LRRTM4: variants seen among roughly 807,000 people sequenced by gnomAD.
LRRTM4 encodes leucine rich repeat transmembrane neuronal 4, also known as leucine-rich repeat transmembrane neuronal protein 4.
In LRRTM4, 25 loss-of-function variants were observed where a neutral mutation model predicts 47.6. The ratio of observed to expected loss-of-function variants is 0.53; its 90% CI spans 0.38 to 0.73. The LOEUF (loss-of-function observed/expected upper bound fraction) is 0.73, where lower values mean the gene tolerates loss of function less well. Ranked by LOEUF, LRRTM4 falls within the 30% of genes least tolerant of loss-of-function variation. The pLI, the probability that LRRTM4 is intolerant of heterozygous loss-of-function variation, is 0.00. For missense variants in LRRTM4, 638 were observed against 713.4 expected, an observed-to-expected ratio of 0.89 and a Z score of 1.20; for synonymous variants, 311 against 269.5, an observed-to-expected ratio of 1.15 and a Z score of -1.51.
intron 3 of LRRTM4, among the ~76,000 whole-genome samples, chr2:77,249,139 T>C (rs2861015): frequency 0.69 from 104,102 of 151,652 alleles, 36,374 homozygotes; most frequent in African/African-American, 0.83. Context: ...CACCTGAGGT[T>C]GGTAGTTTGA....
At chr2:77,333,602 T>C (rs953050724) in intron 3 of LRRTM4, among the ~76,000 whole-genome samples, 1 of 152,158 alleles carries the variant, frequency 6.6e-6, no homozygotes, top group African/African-American at 2.4e-5. Flanking sequence ...AGAATTGAGG[T>C]TTGAGAATCT....
At chr2:77,129,596 C>G (rs1480519050) in intron 3 of LRRTM4, among the ~76,000 whole-genome samples, 5 of 152,148 alleles carry the variant, frequency 3.3e-5, no homozygotes, top group Non-Finnish European at 7.4e-5. Flanking sequence ...ATCCCATTTT[C>G]TAGTTTCATT....
intron 3 of LRRTM4, among the ~76,000 whole-genome samples, chr2:77,224,533 C>A (rs557835277): frequency 7.9e-5 from 12 of 152,216 alleles, no homozygotes; most frequent in African/African-American, 2.6e-4. Flanking sequence ...CAAACAACCC[C>A]ATCAAAAAGT....
chr2:76,847,057 C>G (rs1419693842), intron 3 of LRRTM4, among the ~76,000 whole-genome samples: 1 of 152,084 alleles, frequency 6.6e-6, no homozygotes, highest in Non-Finnish European at 1.5e-5. Flanking sequence ...CCAGTGCTCT[C>G]CAGATAGATT....
At chr2:76,936,954 C>CAAAAAAAAAAAAAAAAAAAAA (rs56140303) in intron 3 of LRRTM4, among the ~76,000 whole-genome samples, 1 of 22,692 alleles carries the variant, frequency 4.4e-5, no homozygotes, top group Non-Finnish European at 8.9e-5. Flanking sequence ...GACTCCATCT[C>CAAAAAAAAAAAAAAAAAAAAA]AAAAAAAAAA....
chr2:77,213,263 T>C (rs1010587476), intron 3 of LRRTM4, among the ~76,000 whole-genome samples: 4 of 152,074 alleles, frequency 2.6e-5, no homozygotes, highest in South Asian at 2.1e-4. Flanking sequence ...CTGGGGAACA[T>C]TGCCAAGTTG....
chr2:77,352,749 A>T (rs550641089), intron 3 of LRRTM4, among the ~76,000 whole-genome samples: 135 of 151,742 alleles, frequency 8.9e-4, no homozygotes, highest in Non-Finnish European at 4.4e-5. Context: ...AGGAAGAACA[A>T]TTTTTTTTTG....
chr2:77,467,958 A>C, intron 3 of LRRTM4, among the ~76,000 whole-genome samples: 1 of 152,158 alleles, frequency 6.6e-6, no homozygotes, highest in African/African-American at 2.4e-5. Context: ...AAAAAGAGGT[A>C]CTTATATAGT....
chr2:77,104,390 C>A (rs954270107), intron 3 of LRRTM4, among the ~76,000 whole-genome samples: 1 of 152,128 alleles, frequency 6.6e-6, no homozygotes, highest in Non-Finnish European at 1.5e-5. Context: ...TAGCTCATGC[C>A]ACTTTCCCAC....
At chr2:77,463,888 A>G (rs1421981613) in intron 3 of LRRTM4, among the ~76,000 whole-genome samples, 5 of 152,150 alleles carry the variant, frequency 3.3e-5, no homozygotes, top group Admixed American at 6.6e-5. Flanking sequence ...CCAGCGCACC[A>G]TTATACAACA....
At chr2:76,971,749 A>T (rs1676227045) in intron 3 of LRRTM4, among the ~76,000 whole-genome samples, 1 of 152,072 alleles carries the variant, frequency 6.6e-6, no homozygotes, top group African/African-American at 2.4e-5. Context: ...ATTCAGTGAT[A>T]ATTTTTTTTC....
At chr2:76,960,993 GTAAT>G (rs773176562) in intron 3 of LRRTM4, among the ~76,000 whole-genome samples, 12 of 151,422 alleles carry the variant, frequency 7.9e-5, no homozygotes, top group Admixed American at 2.0e-4. Flanking sequence ...ATATAATTTT[GTAAT>G]TAATACTTGT....
At position 76,965,429 on chromosome 2, in the gene LRRTM4, C is replaced by A. The variant is rs1675990319; in HGVS notation, c.1552-216513G>T. Among the ~76,000 whole-genome samples, 3 of 150,986 alleles carry A rather than the reference C, an allele frequency of 2.0e-5. No individual in the cohort carries two copies. In the Admixed American group the frequency reaches 2.0e-4, roughly 10 times the overall value. On this transcript the variant is annotated intron_variant, in intron 3 of 3. Coordinates refer to ENST00000409884, the MANE Select transcript of LRRTM4 (RefSeq NM_001134745.3). ...AATCAATTTATGTTATATGCCATAT[C>A]AACAGGGTAAAAAAGAATCATATGA...
intron 3 of LRRTM4, among the ~76,000 whole-genome samples, chr2:77,448,076 T>G (rs1676121705): frequency 6.6e-6 from 1 of 152,108 alleles, no homozygotes; most frequent in East Asian, 1.9e-4. Flanking sequence ...ATTATGAAAA[T>G]GTTCCTTTTC....
intron 3 of LRRTM4, among the ~76,000 whole-genome samples, chr2:76,910,091 C>T (rs910003792): frequency 6.6e-6 from 1 of 152,032 alleles, no homozygotes; most frequent in African/African-American, 2.4e-5. Context: ...GACTTGGAAC[C>T]AACCCAAATG....
intron 3 of LRRTM4, among the ~76,000 whole-genome samples, chr2:77,059,612 G>A (rs1295073426): frequency 3.9e-5 from 6 of 152,096 alleles, no homozygotes; most frequent in Admixed American, 3.3e-4. Context: ...AGTTACATGG[G>A]ATTCCTTAAA....
In LRRTM4 at chr2:76,794,796, C is replaced by G. The variant is rs568865168; in HGVS notation, c.1552-45880G>C. Among the ~76,000 whole-genome samples the G allele has an allele frequency of 3.3e-5, 5 of 151,856 alleles. No homozygotes were observed. The South Asian group carries it at 1.0e-3, about 32-fold the overall frequency. On this transcript the variant is annotated intron_variant, in intron 3 of 3. Transcript: ENST00000409884. ...CATCACAAACTGTACCCACCAGAGC[C>G]AGTAGCATCAATCCCCCAAGTCAGA...
intron 3 of LRRTM4, among the ~76,000 whole-genome samples, chr2:76,877,792 AG>A (rs549603598): frequency 1.6e-4 from 24 of 152,182 alleles, no homozygotes; most frequent in Non-Finnish European, 2.4e-4. Context: ...TGGAGTAAAA[AG>A]CTACAGGGAT....
rs1030561089 is a variant in LRRTM4 at position 77,518,702 on chromosome 2, G to A, written c.1167C>T (p.Ile389=). 2 of 1,613,332 alleles carry A rather than the reference G, an allele frequency of 1.2e-6. No homozygotes were observed. Among genetic ancestry groups the A allele is most frequent in the Admixed American group, 1.7e-5 (1 of 59,862 alleles). ...QKPLIIPRPT[I]FKPDVTQSTF... ...TGGATTGGGTGACGTCAGGTTTGAA[G>A]ATGGTAGGTCTAGGGATAATCAGAG... Residue 389 remains isoleucine (I), a synonymous_variant, in exon 3 of 4, where the codon ATC becomes ATT. Transcript: ENST00000409884.
Sources: allele counts gnomAD v4.1 joint callset (sites outside exome capture counted in the v4.1 genomes callset), GRCh38; gene constraint gnomAD v4.1.1; transcripts MANE v1.5; gene names NCBI Gene and HGNC (gene_info 2026-07-23, HGNC 2026-07-21).